CUX1: variants seen among roughly 807,000 people sequenced by gnomAD.
CUX1 encodes protein CASP.
A neutral mutation model predicts 158.8 loss-of-function variants in CUX1; 31 were observed. The observed-to-expected ratio is 0.20, with a 90% CI of 0.15 to 0.26. The LOEUF (loss-of-function observed/expected upper bound fraction) is 0.26, where lower values mean the gene tolerates loss of function less well. Among genes scored for constraint, CUX1 ranks in the 10% least tolerant of loss-of-function variants. The pLI, the probability that CUX1 is intolerant of heterozygous loss-of-function variation, is 1.00. For synonymous variants in CUX1, 879 were observed against 862.1 expected, an observed-to-expected ratio of 1.02 and a Z score of -0.34; for missense variants, 1,589 against 2,014.6, an observed-to-expected ratio of 0.79 and a Z score of 4.04.
intron 3 of CUX1, among the ~76,000 whole-genome samples, chr7:102,063,905 C>A (rs1383417662): frequency 1.3e-5 from 2 of 152,206 alleles, no homozygotes; most frequent in Admixed American, 1.3e-4. Flanking sequence ...GCAGCCTTAT[C>A]TGTCATCCTA....
intron 23 of CUX1, among the ~76,000 whole-genome samples, chr7:102,242,094 C>T (rs1195466669): frequency 2.0e-5 from 3 of 152,090 alleles, no homozygotes; most frequent in Non-Finnish European, 4.4e-5. Flanking sequence ...TGGAAGGAAA[C>T]TTCAACAGTA....
chr7:102,269,967 A>G (rs1376828209), intron 14 of CUX1, among the ~76,000 whole-genome samples: 2 of 152,176 alleles, frequency 1.3e-5, no homozygotes, highest in Admixed American at 1.3e-4. Context: ...GAACCGAGCC[A>G]GCCAGCTGCC....
At chr7:101,974,813 G>A (rs1812442386) in intron 2 of CUX1, among the ~76,000 whole-genome samples, 1 of 152,152 alleles carries the variant, frequency 6.6e-6, no homozygotes, top group Non-Finnish European at 1.5e-5. Flanking sequence ...ATAAACACAT[G>A]GAAAAGACAA....
chr7:101,835,628 A>G (rs1794539697), intron 1 of CUX1, among the ~76,000 whole-genome samples: 1 of 152,102 alleles, frequency 6.6e-6, no homozygotes, highest in Non-Finnish European at 1.5e-5. Context: ...ATGTTTTGAT[A>G]CAGGCATGCA....
intron 1 of CUX1, among the ~76,000 whole-genome samples, chr7:101,834,760 A>G (rs1378199034): frequency 6.6e-6 from 1 of 152,072 alleles, no homozygotes. Context: ...GCACTTTGGG[A>G]TGCTGAAGCG....
At chr7:102,015,881 C>T (rs1298872508) in intron 2 of CUX1, among the ~76,000 whole-genome samples, 1 of 152,162 alleles carries the variant, frequency 6.6e-6, no homozygotes, top group African/African-American at 2.4e-5. Flanking sequence ...GTGGCGCGAT[C>T]ACGACTCACT....
At chr7:102,013,499 A>T (rs2129301216) in intron 2 of CUX1, among the ~76,000 whole-genome samples, 1 of 152,292 alleles carries the variant, frequency 6.6e-6, no homozygotes, top group Middle Eastern at 3.4e-3. Flanking sequence ...ACTATTTGGG[A>T]ACAGGCCTGA....
At chr7:101,885,909 G>A (rs190567428) in intron 1 of CUX1, among the ~76,000 whole-genome samples, 6 of 152,304 alleles carry the variant, frequency 3.9e-5, no homozygotes, top group South Asian at 2.1e-4. Context: ...CTCACAGGGC[G>A]GATGCTATTT....
chr7:102,104,309 G>A, intron 5 of CUX1, 27 bp from the exon 6 acceptor site: 1 of 1,550,964 alleles, frequency 6.4e-7, no homozygotes, highest in Non-Finnish European at 8.6e-7. Context: ...TTCTCTTACT[G>A]TAGGTTTTTT....
At chr7:102,041,196 T>G (rs1271060704) in intron 3 of CUX1, among the ~76,000 whole-genome samples, 3 of 147,510 alleles carry the variant, frequency 2.0e-5, no homozygotes, top group Non-Finnish European at 3.0e-5. Flanking sequence ...CTTGGGAGGT[T>G]GAAACAGGAG....
intron 1 of CUX1, among the ~76,000 whole-genome samples, chr7:101,878,877 G>A (rs1489076463): frequency 6.6e-6 from 1 of 152,086 alleles, no homozygotes; most frequent in South Asian, 2.1e-4. Flanking sequence ...TCGCCATGTT[G>A]GCCAGGCTGG....
At chr7:101,972,834 A>T (rs1281062055) in intron 2 of CUX1, among the ~76,000 whole-genome samples, 2 of 152,196 alleles carry the variant, frequency 1.3e-5, no homozygotes, top group Non-Finnish European at 1.5e-5. Flanking sequence ...CGTGGTAACC[A>T]ACAGACACAG....
At chr7:102,158,451 C>A in intron 8 of CUX1, 109 bp from the exon 9 acceptor site, 1 of 1,017,688 alleles carries the variant, frequency 9.8e-7, no homozygotes, top group Non-Finnish European at 1.5e-6. Flanking sequence ...CATTGACTCA[C>A]GGGTCTGCAC....
intron 1 of CUX1, among the ~76,000 whole-genome samples, chr7:101,878,900 G>C (rs1799433301): frequency 6.6e-6 from 1 of 152,096 alleles, no homozygotes; most frequent in Admixed American, 6.6e-5. Context: ...TCAAACTCCT[G>C]ACCTCAGGTG....
chr7:101,833,722 G>T (rs1461773523), intron 1 of CUX1, among the ~76,000 whole-genome samples: 1 of 152,044 alleles, frequency 6.6e-6, no homozygotes, highest in African/African-American at 2.4e-5. Context: ...CCAGGGCTCT[G>T]GGACCTGTAC....
intron 3 of CUX1, 92 bp from the exon 4 acceptor site, chr7:102,070,247 G>A (rs1825981815): frequency 1.9e-5 from 21 of 1,078,676 alleles, no homozygotes; most frequent in African/African-American, 4.7e-5. Context: ...CCCTTGCTAC[G>A]GGAATTCACT....
chr7:102,121,565 C>T (rs555746265), intron 8 of CUX1, among the ~76,000 whole-genome samples: 4 of 152,244 alleles, frequency 2.6e-5, no homozygotes, highest in Admixed American at 2.6e-4. Context: ...AGGCTGGTCT[C>T]GAACTCCCAG....
At chr7:102,271,448 C>T (rs1791205638) in intron 14 of CUX1, among the ~76,000 whole-genome samples, 1 of 152,222 alleles carries the variant, frequency 6.6e-6, no homozygotes, top group African/African-American at 2.4e-5. Flanking sequence ...CCATCCTAAG[C>T]ATGTGTGGCC....
chr7:102,203,546 T>A (rs1401521381), intron 18 of CUX1, among the ~76,000 whole-genome samples: 1 of 152,242 alleles, frequency 6.6e-6, no homozygotes, highest in East Asian at 1.9e-4. Context: ...AGTTCAGTGT[T>A]GTAAAAATAC....
Sources: allele counts gnomAD v4.1 joint callset (sites outside exome capture counted in the v4.1 genomes callset), GRCh38; gene constraint gnomAD v4.1.1; transcripts MANE v1.5; gene names NCBI Gene and HGNC (gene_info 2026-07-23, HGNC 2026-07-21).